The following COL6A2 variants were observed in gnomAD, a reference collection of about 807,000 sequenced individuals.
COL6A2 encodes collagen type VI alpha 2 chain, also known as collagen alpha-2(VI) chain.
In COL6A2, 90 loss-of-function variants were observed where a neutral mutation model predicts 124.9. The ratio of observed to expected loss-of-function variants is 0.72; its 90% CI spans 0.61 to 0.86. The LOEUF is 0.86. Among genes scored for constraint, COL6A2 ranks in the 40% least tolerant of loss-of-function variants. COL6A2 has a pLI of 0.00. For missense variants in COL6A2, 1,607 were observed against 1,502.5 expected (o/e 1.07, Z -1.15); for synonymous variants, 793 against 618.2 (o/e 1.28, Z -4.19).
chr21:46,109,667 C>T (rs745867245), intron 1 of COL6A2, among the ~76,000 whole-genome samples: 1 of 152,212 alleles, frequency 6.6e-6, no homozygotes, highest in Non-Finnish European at 1.5e-5. Context: ...AGGGGGCTGG[C>T]ATGTCAGCAC....
In COL6A2 at chr21:46,112,338, G is replaced by A. The variant is rs1210563350; in HGVS notation, c.475G>A (p.Val159Ile). The stretch of plus-strand genomic sequence containing the variant: ...CAAGGGCACCGTCCACTTCGCCGTG[G>A]TCATCACCGACGGCCACGTCACCGG... ...RSKGTVHFAV[V>I]ITDGHVTGSP... Residue 159 changes from valine (V) to isoleucine (I), a missense_variant, in exon 3 of 28, where the codon GTC (valine) becomes ATC (isoleucine). Val to Ile is a conservative substitution (Grantham distance 29, BLOSUM62 3). This residue lies in a region of COL6A2 where 342 missense variants were observed against 381.5 expected (regional missense o/e 0.90). Coordinates refer to ENST00000300527, the MANE Select transcript of COL6A2 (RefSeq NM_001849.4). The A allele has an allele frequency of 1.2e-6, 2 of 1,610,378 alleles. No individual in the cohort carries two copies. The highest frequency in any genetic ancestry group is 1.7e-6 in the Non-Finnish European group (2 of 1,178,986).
At chr21:46,130,285 C>A (rs758048438) in intron 27 of COL6A2, among the ~76,000 whole-genome samples, 1 of 152,248 alleles carries the variant, frequency 6.6e-6, no homozygotes, top group Non-Finnish European at 1.5e-5. Context: ...CCACCAGGCA[C>A]AACCTCTGCG....
In COL6A2 at chr21:46,125,799, G is replaced by T. The variant is rs764497780; in HGVS notation, c.1984G>T (p.Val662Leu). ...GCGGCTTGCAGGGACGCGTGTGGGC[G>T]TGGTGCAGTACAGCCACGAGGGCAC... ...PKSETGTRVG[V>L]VQYSHEGTFE... Residue 662 changes from valine to leucine, a missense_variant, in exon 26 of 28, where the codon GTG (valine) becomes TTG (leucine). Around this residue, in one of 3 missense-constraint regions of COL6A2, gnomAD observed 1,223 missense variants for 1,052.2 expected, o/e 1.16. Coordinates refer to ENST00000300527, the MANE Select transcript of COL6A2 (RefSeq NM_001849.4). 1 of 1,612,118 alleles carries T rather than the reference G, an allele frequency of 6.2e-7. No individual in the cohort carries two copies. The highest frequency in any genetic ancestry group is 2.2e-5 in the East Asian group (1 of 44,848).
Position 46,112,545 on chromosome 21 carries a change from C to T in COL6A2, c.682C>T (p.Gln228Ter). Residue 228 changes from glutamine to a stop codon, truncating the protein, a stop_gained, in exon 3 of 28, where the codon CAG (glutamine) becomes TAG (stop). Transcript: ENST00000300527. LOFTEE classifies it high-confidence loss of function. The part of the protein sequence containing the change: ...TMLPDSTEID[Q>*]DTINRIIKVM... ...GCTGCCCGACTCCACCGAGATCGAC[C>T]AGGACACCATCAACCGCATCATCAA... is the stretch of plus-strand genomic sequence containing the variant. 1.2e-6 allele frequency: 2 copies of T among 1,612,244 alleles called. No individual in the cohort carries two copies. The highest frequency in any genetic ancestry group is 1.7e-6 in the Non-Finnish European group (2 of 1,179,892).
At chr21:46,123,044 C>A in intron 21 of COL6A2, 107 bp downstream of exon 21, 1 of 1,145,690 alleles carries the variant, frequency 8.7e-7, no homozygotes, top group Non-Finnish European at 1.3e-6. Flanking sequence ...GGCAGCTTGG[C>A]CCCAGCCATG....
At position 46,132,104 on chromosome 21, in the gene COL6A2, A is replaced by G; in HGVS notation, c.2612A>G (p.Asp871Gly). The G allele has an allele frequency of 6.3e-7, 1 of 1,591,654 alleles. No homozygotes were observed. Among genetic ancestry groups the G allele is most frequent in the Non-Finnish European group, 8.5e-7 (1 of 1,171,912 alleles). Residue 871 changes from aspartate (D) to glycine (G), a missense_variant, in exon 28 of 28, where the codon GAC becomes GGC. Coordinates refer to ENST00000300527, the MANE Select transcript of COL6A2 (RefSeq NM_001849.4). Reference sequence around the variant, plus strand: ...CTGACGCTGGCCCGGAGGGACGACGACCCTCTCAACGCACGCGTGGCGCTG... The same window carrying G: ...CTGACGCTGGCCCGGAGGGACGACGGCCCTCTCAACGCACGCGTGGCGCTG... ...RRLTLARRDDDPLNARVALLQ... is the reference protein window; with the variant it reads ...RRLTLARRDDGPLNARVALLQ...
Position 46,112,511 on chromosome 21 carries a change from C to G in COL6A2, c.648C>G (p.Tyr216Ter). The G allele has an allele frequency of 6.2e-7, 1 of 1,611,508 alleles. No individual in the cohort carries two copies. Among genetic ancestry groups the G allele is most frequent in the Non-Finnish European group, 8.5e-7 (1 of 1,179,690 alleles). Residue 216 changes from tyrosine (Y) to a stop codon, truncating the protein, a stop_gained, in exon 3 of 28, where the codon TAC becomes TAG. Transcript: ENST00000300527. LOFTEE classifies it high-confidence loss of function. ...CGCACGAGCTCTACCGCAACGACTA[C>G]GCCACCATGCTGCCCGACTCCACCG... is the stretch of plus-strand genomic sequence containing the variant. ...STPHELYRNDYATMLPDSTEI... is the reference protein window; with the variant it reads ...STPHELYRND
chr21:46,129,717 T>G (rs2078735361), intron 27 of COL6A2: 7 of 1,400,704 alleles, frequency 5.0e-6, no homozygotes, highest in South Asian at 3.4e-5. Flanking sequence ...CGTCTTCCTG[T>G]GGCCGCTCTC....
At chr21:46,101,741 G>C (rs2078289010) in intron 1 of COL6A2, among the ~76,000 whole-genome samples, 2 of 151,298 alleles carry the variant, frequency 1.3e-5, no homozygotes, top group African/African-American at 2.4e-5. Flanking sequence ...CTGTTGGTCT[G>C]TATGTCTGTC....
intron 2 of COL6A2, 131 bp from the exon 3 acceptor site, chr21:46,111,848 G>A: frequency 1.0e-6 from 1 of 966,524 alleles, no homozygotes; most frequent in Non-Finnish European, 1.6e-6. Context: ...AGGTGCCAGG[G>A]GTTGGGGGCC....
intron 1 of COL6A2, 104 bp from the exon 2 acceptor site, chr21:46,111,346 A>AGT: frequency 1.5e-6 from 1 of 655,728 alleles, no homozygotes; most frequent in Non-Finnish European, 2.8e-6. Context: ...GACTGAGGGC[A>AGT]GTGCCCCCAA....
At position 46,116,415 on chromosome 21, in the gene COL6A2, G is replaced by T. The variant is rs1049368336; in HGVS notation, c.927+12G>T. 1.5e-5 allele frequency: 24 copies of T among 1,612,564 alleles called. No homozygotes were observed. Among genetic ancestry groups the T allele is most frequent in the Middle Eastern group, 1.6e-4 (1 of 6,084 alleles). On this transcript the variant is annotated intron_variant, in intron 8 of 27. Coordinates refer to ENST00000300527, the MANE Select transcript of COL6A2 (RefSeq NM_001849.4). This position sits in a 1 kb window ranked among gnomAD's most constrained non-coding sequence, Gnocchi z 4.6. The stretch of plus-strand genomic sequence containing the variant: ...TCAAAGGAGAGAAGGTGAGGCTCTT[G>T]CCCTGACAGACCTCAGACCTGCGCC...
chr21:46,109,720 C>T (rs2078374356), intron 1 of COL6A2, among the ~76,000 whole-genome samples: 1 of 152,092 alleles, frequency 6.6e-6, no homozygotes, highest in African/African-American at 2.4e-5. Flanking sequence ...TGACAGTGCC[C>T]AGGCTCAGCC....
chr21:46,129,079 A>G, intron 27 of COL6A2: 2 of 1,598,110 alleles, frequency 1.3e-6, no homozygotes, highest in Non-Finnish European at 1.7e-6. Flanking sequence ...TCCTCTACCG[A>G]CTCGCCAGCC....
At chr21:46,129,196 A>G (rs754626936) in intron 27 of COL6A2, 11 of 1,612,846 alleles carry the variant, frequency 6.8e-6, no homozygotes, top group Non-Finnish European at 8.5e-6. Context: ...TCCCTTGCAG[A>G]TGCACCGTGG....
intron 3 of COL6A2, 24 bp from the exon 4 acceptor site, chr21:46,112,780 C>T (rs2078423111): frequency 3.1e-6 from 5 of 1,613,830 alleles, no homozygotes; most frequent in Non-Finnish European, 4.2e-6. Flanking sequence ...ACACGGCTAA[C>T]CAGCATGTCT....
At chr21:46,123,215 CCA>C (rs1409659854) in intron 21 of COL6A2, among the ~76,000 whole-genome samples, 1 of 123,562 alleles carries the variant, frequency 8.1e-6, no homozygotes, top group Non-Finnish European at 1.5e-5. Flanking sequence ...CAACATCCCC[CCA>C]GAGTCCCCTC....
intron 27 of COL6A2, 58 bp from the exon 28 acceptor site, chr21:46,131,896 A>ACCTGCCCGGT (rs1008322571): frequency 1.3e-5 from 20 of 1,482,478 alleles, no homozygotes; most frequent in Non-Finnish European, 1.6e-5. Flanking sequence ...CGGGGCTGGC[A>ACCTGCCCGGT]CCTGCCCGGT....
At chr21:46,103,627 T>C (rs1446286172) in intron 1 of COL6A2, among the ~76,000 whole-genome samples, 2 of 152,244 alleles carry the variant, frequency 1.3e-5, no homozygotes, top group Non-Finnish European at 2.9e-5. Flanking sequence ...TCTAAGTATT[T>C]TATAATTTCC....
Sources: allele counts gnomAD v4.1 joint callset (sites outside exome capture counted in the v4.1 genomes callset), GRCh38; gene constraint gnomAD v4.1.1; regional missense constraint gnomAD v4.1.1; non-coding constraint Gnocchi (gnomAD v3.1); transcripts MANE v1.5; gene names NCBI Gene and HGNC (gene_info 2026-07-23, HGNC 2026-07-21).